Variants in ME1 observed in about 807,000 individuals in gnomAD.
ME1 encodes the protein malic enzyme 1.
ME1 carries 74 observed loss-of-function variants against 66.4 expected under a neutral mutation model. The observed-to-expected ratio is 1.11, with a 90% CI of 0.92 to 1.35. ME1 has a LOEUF of 1.35. Ranked by LOEUF, ME1 falls within the 40% of genes most tolerant of loss-of-function variation. The probability of loss-of-function intolerance (pLI) is 0.00; values close to 1 mark genes in which losing one functional copy is unlikely to be tolerated. For synonymous variants in ME1, 251 were observed against 235.6 expected (o/e 1.07, Z -0.60); for missense variants, 750 against 694.1 (o/e 1.08, Z -0.90).
At chr6:83,323,625 CAAG>C (rs1768226299) in intron 5 of ME1, among the ~76,000 whole-genome samples, 1 of 152,182 alleles carries the variant, frequency 6.6e-6, no homozygotes, top group South Asian at 2.1e-4. Context: ...ATCAATTCAA[CAAG>C]AAGAACTAAG....
chr6:83,411,347 G>A (rs1287339069), intron 1 of ME1, among the ~76,000 whole-genome samples: 1 of 151,398 alleles, frequency 6.6e-6, no homozygotes, highest in African/African-American at 2.4e-5. Flanking sequence ...CTAGGTGACA[G>A]AGCAAGACTC....
chr6:83,304,962 C>A (rs1767798860), intron 6 of ME1, among the ~76,000 whole-genome samples: 2 of 152,094 alleles, frequency 1.3e-5, no homozygotes, highest in Admixed American at 1.3e-4. Context: ...CCTCTAATTC[C>A]TTGAGGGATA....
At chr6:83,393,557 C>T (rs149478617) in intron 3 of ME1, 21 of 235,654 alleles carry the variant, frequency 8.9e-5, no homozygotes, top group African/African-American at 4.0e-4. Flanking sequence ...AGGGAGGAGC[C>T]GAGGGAGCCC....
At chr6:83,340,324 G>C (rs913593207) in intron 5 of ME1, among the ~76,000 whole-genome samples, 1 of 152,054 alleles carries the variant, frequency 6.6e-6, no homozygotes, top group East Asian at 1.9e-4. Flanking sequence ...CAGTGATAAC[G>C]GGTGTCCTGT....
intron 7 of ME1, among the ~76,000 whole-genome samples, 188 bp downstream of exon 7, chr6:83,253,441 T>A (rs1434927573): frequency 6.6e-6 from 1 of 152,130 alleles, no homozygotes; most frequent in Non-Finnish European, 1.5e-5. Context: ...ATATGGTATA[T>A]TATACAGTCA....
At chr6:83,354,478 C>T (rs1768852200) in intron 3 of ME1, among the ~76,000 whole-genome samples, 1 of 152,114 alleles carries the variant, frequency 6.6e-6, no homozygotes, top group Admixed American at 6.6e-5. Flanking sequence ...TCTCAAACTT[C>T]TATCATCACT....
chr6:83,365,079 G>A (rs994717275), intron 3 of ME1, among the ~76,000 whole-genome samples: 1 of 152,090 alleles, frequency 6.6e-6, no homozygotes, highest in African/African-American at 2.4e-5. Context: ...CCTGAGGCAG[G>A]CCACCAACCT....
intron 3 of ME1, among the ~76,000 whole-genome samples, chr6:83,394,454 A>G (rs1421955048): frequency 1.3e-5 from 2 of 152,208 alleles, no homozygotes; most frequent in Non-Finnish European, 2.9e-5. Flanking sequence ...CAATAAAAAA[A>G]TTTTAATGTA....
At chr6:83,380,956 G>A (rs1471630445) in intron 3 of ME1, among the ~76,000 whole-genome samples, 1 of 151,978 alleles carries the variant, frequency 6.6e-6, no homozygotes, top group African/African-American at 2.4e-5. Context: ...ATTGAAGAAA[G>A]GAAATGTATT....
Position 83,237,278 on chromosome 6 carries a change from AG to A in ME1, c.1026+438del, listed in dbSNP as rs1214665274. On this transcript the variant is annotated intron_variant, in intron 9 of 13. Coordinates refer to ENST00000369705, the MANE Select transcript of ME1 (RefSeq NM_002395.6). ...AAGAAAGAAAGAAAGAAAGAAAGAAAGGAAGGAAGGAAGGAAAGAAAGAAAA... is the reference window on the plus strand; with the variant it reads ...AAGAAAGAAAGAAAGAAAGAAAGAAAGAAGGAAGGAAGGAAAGAAAGAAAA... Among the ~76,000 whole-genome samples the A allele has an allele frequency of 1.9e-3, 124 of 67,000 alleles. 7 individuals carry two copies. The highest frequency in any genetic ancestry group is 4.9e-3 in the African/African-American group (81 of 16,632). 44.0% of individuals were successfully genotyped at this position (67,000 alleles called of 152,430 possible). A position where few individuals can be genotyped will look rare whatever the true frequency, so the allele number is the denominator to read the frequency against.
At chr6:83,374,084 T>C (rs887689025) in intron 3 of ME1, among the ~76,000 whole-genome samples, 3 of 152,220 alleles carry the variant, frequency 2.0e-5, no homozygotes, top group East Asian at 1.9e-4. Context: ...ATCTTTATAA[T>C]AGAATGATTT....
chr6:83,428,941 T>C lies in ME1; in HGVS notation c.78+1936A>G, dbSNP rs556055077. Among the ~76,000 whole-genome samples, 3 of 152,338 alleles carry C rather than the reference T, an allele frequency of 2.0e-5. No homozygotes were observed. In the South Asian group the frequency reaches 6.2e-4, roughly 32 times the overall value. ...ATTAATCCTTAATTCCTAGTAACCT[T>C]GTGAACAGGAGTCACAAGGATTGTT... On this transcript the variant is annotated intron_variant, in intron 1 of 13. Coordinates refer to ENST00000369705, the MANE Select transcript of ME1 (RefSeq NM_002395.6).
At chr6:83,285,047 T>C (rs1345918988) in intron 6 of ME1, among the ~76,000 whole-genome samples, 1 of 152,190 alleles carries the variant, frequency 6.6e-6, no homozygotes, top group Non-Finnish European at 1.5e-5. Context: ...GGTATCTTTT[T>C]CATATGATGA....
intron 5 of ME1, among the ~76,000 whole-genome samples, chr6:83,331,253 G>A (rs1242168292): frequency 6.6e-6 from 1 of 152,094 alleles, no homozygotes; most frequent in Admixed American, 6.6e-5. Context: ...GTTGAATGAG[G>A]TCATTAGAGT....
intron 6 of ME1, among the ~76,000 whole-genome samples, chr6:83,259,835 A>G (rs561454856): frequency 1.3e-5 from 2 of 150,562 alleles, no homozygotes; most frequent in South Asian, 4.1e-4. Flanking sequence ...CCTCTTAATT[A>G]TTCTTTGTGA....
intron 6 of ME1, among the ~76,000 whole-genome samples, chr6:83,271,123 G>A (rs1009920749): frequency 6.6e-6 from 1 of 151,944 alleles, no homozygotes; most frequent in African/African-American, 2.4e-5. Context: ...CAAGACGAAT[G>A]GGCCCATAAT....
chr6:83,317,404 G>A (rs937116932), intron 5 of ME1, among the ~76,000 whole-genome samples: 1 of 151,594 alleles, frequency 6.6e-6, no homozygotes, highest in Non-Finnish European at 1.5e-5. Flanking sequence ...GGATTCCTAG[G>A]TATTTTATTC....
intron 2 of ME1, among the ~76,000 whole-genome samples, chr6:83,399,652 T>G (rs1769805981): frequency 6.6e-6 from 1 of 152,234 alleles, no homozygotes; most frequent in African/African-American, 2.4e-5. Flanking sequence ...CCCAGAGTTA[T>G]CTTTGTAAAT....
intron 12 of ME1, among the ~76,000 whole-genome samples, chr6:83,219,803 G>A (rs2128522908): frequency 6.7e-6 from 1 of 149,996 alleles, no homozygotes; most frequent in Middle Eastern, 3.4e-3. Flanking sequence ...GGCCAGGCTG[G>A]TCTCAAACTC....
Sources: gnomAD v4.1 joint callset for allele counts (sites outside exome capture counted in the v4.1 genomes callset) on GRCh38, gnomAD v4.1.1 for gene constraint, MANE v1.5 for transcripts, NCBI Gene and HGNC (gene_info 2026-07-23, HGNC 2026-07-21) for gene names.